HEATR5A: variants seen among roughly 807,000 people sequenced by gnomAD.
The protein encoded by HEATR5A is HEAT repeat-containing protein 5A.
Under a neutral mutation model 218.8 loss-of-function variants are expected in HEATR5A, and 178 were observed. The observed-to-expected ratio is 0.81, with a 90% CI of 0.72 to 0.92. The LOEUF (loss-of-function observed/expected upper bound fraction) is 0.92. Among genes scored for constraint, HEATR5A ranks in the 40% least tolerant of loss-of-function variants. The pLI is 0.00. For missense variants in HEATR5A, 2,420 were observed against 2,418.9 expected (o/e 1.00, Z -0.01); for synonymous variants, 864 against 871.6 (o/e 0.99, Z 0.15).
chr14:31,353,200 A>C (rs1010111377), intron 16 of HEATR5A, among the ~76,000 whole-genome samples: 3 of 152,050 alleles, frequency 2.0e-5, no homozygotes, highest in East Asian at 1.9e-4. Context: ...CATATGAGTA[A>C]AATTTTTAGA....
intron 11 of HEATR5A, among the ~76,000 whole-genome samples, chr14:31,375,823 G>A (rs1425130266): frequency 2.0e-5 from 3 of 152,104 alleles, no homozygotes; most frequent in African/African-American, 4.8e-5. Flanking sequence ...ATGAATTGAA[G>A]GAATCATGAC....
At chr14:31,332,814 CG>C (rs1566757743) in intron 22 of HEATR5A, among the ~76,000 whole-genome samples, 1 of 151,942 alleles carries the variant, frequency 6.6e-6, no homozygotes, top group Non-Finnish European at 1.5e-5. Context: ...GATGAAACCC[CG>C]TCTCTGCCAA....
At chr14:31,318,495 AT>A (rs1298495537) in intron 25 of HEATR5A, among the ~76,000 whole-genome samples, 8 of 150,952 alleles carry the variant, frequency 5.3e-5, no homozygotes, top group Non-Finnish European at 1.2e-4. Flanking sequence ...CTCCCCCTTT[AT>A]TTTTTTTTGA....
chr14:31,339,098 C>A (rs566162466), intron 21 of HEATR5A, among the ~76,000 whole-genome samples: 2 of 145,080 alleles, frequency 1.4e-5, no homozygotes, highest in East Asian at 2.1e-4. Context: ...CCAGCCTGGG[C>A]GACACAGACT....
At chr14:31,317,508 C>T (rs1307740713) in intron 26 of HEATR5A, among the ~76,000 whole-genome samples, 1 of 151,930 alleles carries the variant, frequency 6.6e-6, no homozygotes, top group African/African-American at 2.4e-5. Context: ...GTTGGCCAGG[C>T]TGGTCTCTAA....
chr14:31,309,249 C>T (rs1899655751), intron 28 of HEATR5A, 67 bp from the exon 29 acceptor site: 1 of 1,540,722 alleles, frequency 6.5e-7, no homozygotes, highest in Non-Finnish European at 8.8e-7. Flanking sequence ...TTTTCTGTTA[C>T]AAGATATAGA....
At chr14:31,387,037 T>G in intron 8 of HEATR5A, 83 bp downstream of exon 8, 1 of 1,304,098 alleles carries the variant, frequency 7.7e-7, no homozygotes, top group Admixed American at 2.1e-5. Flanking sequence ...TGTATTAATA[T>G]AGTATTATAT....
intron 24 of HEATR5A, among the ~76,000 whole-genome samples, chr14:31,321,935 T>A (rs754230197): frequency 6.6e-6 from 1 of 152,184 alleles, no homozygotes; most frequent in Non-Finnish European, 1.5e-5. Flanking sequence ...TTTTTAAGTG[T>A]CCTAATAGTA....
intron 21 of HEATR5A, among the ~76,000 whole-genome samples, chr14:31,341,680 T>C (rs1007279252): frequency 2.0e-5 from 3 of 152,190 alleles, no homozygotes; most frequent in African/African-American, 7.2e-5. Flanking sequence ...ACTACAGGTA[T>C]GAGCCATTGT....
intron 32 of HEATR5A, among the ~76,000 whole-genome samples, chr14:31,304,647 C>T (rs1340087180): frequency 6.6e-6 from 1 of 152,172 alleles, no homozygotes; most frequent in Admixed American, 6.5e-5. Flanking sequence ...GAACTCCTGA[C>T]CTCAGGTGAT....
At chr14:31,405,986 T>C (rs1031244737) in intron 1 of HEATR5A, among the ~76,000 whole-genome samples, 2 of 152,206 alleles carry the variant, frequency 1.3e-5, no homozygotes, top group African/African-American at 4.8e-5. Context: ...AGACAATTCA[T>C]GTTGGTAATC....
intron 33 of HEATR5A, among the ~76,000 whole-genome samples, chr14:31,299,736 CA>C (rs1476354941): frequency 7.0e-6 from 1 of 142,882 alleles, no homozygotes; most frequent in Non-Finnish European, 1.5e-5. Flanking sequence ...AACAAACAAA[CA>C]AAAAAACCCT....
intron 22 of HEATR5A, among the ~76,000 whole-genome samples, chr14:31,331,120 T>G (rs1023875233): frequency 6.6e-6 from 1 of 151,828 alleles, no homozygotes; most frequent in East Asian, 2.0e-4. Flanking sequence ...TTTGTATTTT[T>G]AGTAGAGATG....
At position 31,326,270 on chromosome 14, in the gene HEATR5A, A is replaced by C. The variant is rs1379291737; in HGVS notation, c.3440T>G (p.Leu1147Ter). Reference sequence around the variant, plus strand: ...TAAAGTCTCTTTGATATCATGGCATAATCTCTCATCTGTCTCCTTGTCTAG... The same window carrying C: ...TAAAGTCTCTTTGATATCATGGCATCATCTCTCATCTGTCTCCTTGTCTAG... ...ILLDKETDERLCHDIKETLNY... is the reference protein window; with the variant it reads ...ILLDKETDER Residue 1147 changes from leucine to a stop codon, truncating the protein, a stop_gained, in exon 23 of 36, where the codon TTA (leucine) becomes TGA (stop). Coordinates refer to ENST00000543095, the MANE Select transcript of HEATR5A (RefSeq NM_015473.4). LOFTEE classifies it high-confidence loss of function. 1 of 1,613,130 alleles carries C rather than the reference A, an allele frequency of 6.2e-7. No homozygotes were observed. The highest frequency in any genetic ancestry group is 2.2e-5 in the East Asian group (1 of 44,820).
intron 32 of HEATR5A, among the ~76,000 whole-genome samples, chr14:31,303,334 G>A (rs190706712): frequency 6.6e-6 from 1 of 152,268 alleles, no homozygotes; most frequent in East Asian, 1.9e-4. Flanking sequence ...TCGGGAGGCT[G>A]AGGCAGAAGA....
chr14:31,374,584 T>C (rs1342559505), intron 12 of HEATR5A, among the ~76,000 whole-genome samples: 1 of 152,160 alleles, frequency 6.6e-6, no homozygotes, highest in African/African-American at 2.4e-5. Flanking sequence ...TTTAACTGGA[T>C]TGGACCTAAT....
intron 20 of HEATR5A, among the ~76,000 whole-genome samples, chr14:31,344,599 A>C (rs1900963606): frequency 1.4e-5 from 2 of 147,712 alleles, no homozygotes; most frequent in African/African-American, 5.4e-5. Flanking sequence ...AGTTATTCTT[A>C]ATCTGAAAAG....
intron 24 of HEATR5A, among the ~76,000 whole-genome samples, chr14:31,322,079 TA>T (rs1289090675): frequency 1.3e-5 from 2 of 152,074 alleles, no homozygotes; most frequent in African/African-American, 2.4e-5. Flanking sequence ...AATGTTCCTT[TA>T]AAAAAAAGTT....
At chr14:31,372,081 C>T (rs2139255681) in intron 12 of HEATR5A, among the ~76,000 whole-genome samples, 172 bp from the exon 13 acceptor site, 1 of 151,304 alleles carries the variant, frequency 6.6e-6, no homozygotes, top group South Asian at 2.1e-4. Context: ...TACTCCTAAT[C>T]ATACTTAAAA....
Sources: allele counts gnomAD v4.1 joint callset (sites outside exome capture counted in the v4.1 genomes callset), GRCh38; gene constraint gnomAD v4.1.1; transcripts MANE v1.5; gene names NCBI Gene and HGNC (gene_info 2026-07-23, HGNC 2026-07-21).